The following FAM24A variants were observed in gnomAD, a reference collection of about 807,000 sequenced individuals.
FAM24A encodes protein FAM24A.
A neutral mutation model predicts 2.8 loss-of-function variants in FAM24A; 2 were observed. That is an observed-to-expected ratio of 0.73 (90% CI 0.30 to 2.28). The LOEUF (loss-of-function observed/expected upper bound fraction) is 2.28, where lower values mean the gene tolerates loss of function less well. FAM24A is among the 30% of genes most tolerant of loss of function. The pLI is 0.12. For synonymous variants in FAM24A, 46 were observed against 47.5 expected (o/e 0.97, Z 0.13); for missense variants, 109 against 132.0 (o/e 0.83, Z 0.85).
chr10:122,911,090 G>A (rs1487075448), intron 1 of FAM24A, among the ~76,000 whole-genome samples: 1 of 152,124 alleles, frequency 6.6e-6, no homozygotes, highest in Non-Finnish European at 1.5e-5. Context: ...GGAAGTGTCA[G>A]GAATCTCCTT....
rs761989978 is a variant in FAM24A, at chr10:122,912,812, A to G, written c.176A>G (p.Lys59Arg). The G allele has an allele frequency of 6.2e-7, 1 of 1,614,100 alleles. No homozygotes were observed. The highest frequency in any genetic ancestry group is 1.1e-5 in the South Asian group (1 of 91,052). ...GCTGTAAAAAATCACAACCCAGACA[A>G]GGTGTGTTGGGCCACGAACAGCCAG... is the stretch of plus-strand genomic sequence containing the variant. Reference protein sequence around the residue: ...AVAVKNHNPDKVCWATNSQAK... With the variant: ...AVAVKNHNPDRVCWATNSQAK... Residue 59 changes from lysine (K) to arginine (R), a missense_variant, in exon 3 of 3, where the codon AAG becomes AGG. Coordinates refer to ENST00000368894, the MANE Select transcript of FAM24A (RefSeq NM_001029888.3).
chr10:122,912,450 C>T (rs966717646), intron 2 of FAM24A, among the ~76,000 whole-genome samples: 1 of 151,812 alleles, frequency 6.6e-6, no homozygotes, highest in Non-Finnish European at 1.5e-5. Context: ...GAGACACATC[C>T]CGGAGCCTGG....
chr10:122,911,541 C>T (rs2133858044), intron 1 of FAM24A, 92 bp from the exon 2 acceptor site: 2 of 1,552,606 alleles, frequency 1.3e-6, no homozygotes, highest in Non-Finnish European at 8.7e-7. Flanking sequence ...TTACATGTGT[C>T]TGGGGTTCAC....
intron 1 of FAM24A, among the ~76,000 whole-genome samples, 187 bp from the exon 2 acceptor site, chr10:122,911,446 C>A (rs540636679): frequency 6.6e-6 from 1 of 152,252 alleles, no homozygotes; most frequent in East Asian, 1.9e-4. Flanking sequence ...GCATTTAAGT[C>A]CATTTTTACC....
rs748709230 is a variant in FAM24A at position 122,912,801 on chromosome 10, CA to C, written c.167del (p.Asn56ThrfsTer46). 24 of 1,613,604 alleles carry C rather than the reference CA, an allele frequency of 1.5e-5. No individual in the cohort carries two copies. The highest frequency in any genetic ancestry group is 1.9e-5 in the Non-Finnish European group (22 of 1,179,920). ...CTGATGCTGTGGCTGTAAAAAATCA[CA>C]ACCCAGACAAGGTGTGTTGGGCCAC... Reference protein sequence around the residue: ...DPDAVAVKNHNPDKVCWATNS... With the variant: ...DPDAVAVKNHXPDKVCWATNS... On this transcript the variant is annotated frameshift_variant, in exon 3 of 3. Transcript: ENST00000368894. LOFTEE classifies it low-confidence loss of function (END_TRUNC).
intron 2 of FAM24A, 152 bp downstream of exon 2, chr10:122,911,911 C>T: frequency 9.8e-7 from 1 of 1,018,294 alleles, no homozygotes; most frequent in Non-Finnish European, 1.4e-6. Context: ...GAAATGGCAG[C>T]TGAGTGTAAA....
Sources: allele counts gnomAD v4.1 joint callset (sites outside exome capture counted in the v4.1 genomes callset), GRCh38; gene constraint gnomAD v4.1.1; transcripts MANE v1.5; gene names NCBI Gene and HGNC (gene_info 2026-07-23, HGNC 2026-07-21).